Variants in PRIMPOL observed in about 807,000 individuals in gnomAD.
PRIMPOL encodes primase and DNA directed polymerase.
Under a neutral mutation model 63.6 loss-of-function variants are expected in PRIMPOL, and 54 were observed. The observed-to-expected ratio is 0.85, with a 90% CI of 0.68 to 1.07. The LOEUF is 1.07. Among genes scored for constraint, PRIMPOL ranks in the 50% least tolerant of loss-of-function variants. The pLI is 0.00. For synonymous variants in PRIMPOL, 197 were observed against 220.2 expected, an observed-to-expected ratio of 0.89 and a Z score of 0.93; for missense variants, 610 against 648.3, an observed-to-expected ratio of 0.94 and a Z score of 0.64.
At chr4:184,682,508 C>G (rs1755900700) in intron 9 of PRIMPOL, among the ~76,000 whole-genome samples, 172 bp downstream of exon 9, 1 of 151,960 alleles carries the variant, frequency 6.6e-6, no homozygotes, top group African/African-American at 2.4e-5. Context: ...CCATCACGCC[C>G]AGATAATTTT....
chr4:184,671,459 T>C (rs192201526), intron 6 of PRIMPOL, among the ~76,000 whole-genome samples: 7 of 146,866 alleles, frequency 4.8e-5, no homozygotes, highest in African/African-American at 1.8e-4. Context: ...TATTATTATT[T>C]TTATGATCTC....
intron 11 of PRIMPOL, among the ~76,000 whole-genome samples, chr4:184,688,919 A>G (rs192715042): frequency 3.5e-4 from 53 of 152,324 alleles, no homozygotes; most frequent in African/African-American, 1.3e-3. Flanking sequence ...ATGAATTTCA[A>G]ACAACTTGGT....
rs537670271 is a variant in PRIMPOL at position 184,673,278 on chromosome 4, C to G, written c.844+818C>G. ...CGGAGTAGCTGGGACTACAGGCGCC[C>G]GCCACCGCTCCCGGCTAATTTTTTG... On this transcript the variant is annotated intron_variant, in intron 7 of 13. Coordinates refer to ENST00000314970, the MANE Select transcript of PRIMPOL (RefSeq NM_152683.4). Among the ~76,000 whole-genome samples, 3 of 151,664 alleles carry G rather than the reference C, an allele frequency of 2.0e-5. No individual in the cohort carries two copies. In the South Asian group the frequency reaches 6.3e-4, roughly 32 times the overall value.
At chr4:184,666,299 C>G (rs1349179758) in intron 6 of PRIMPOL, among the ~76,000 whole-genome samples, 1 of 152,104 alleles carries the variant, frequency 6.6e-6, no homozygotes, top group Admixed American at 6.6e-5. Flanking sequence ...GCTGGCAAAA[C>G]CCTGTCTCTA....
intron 2 of PRIMPOL, 74 bp downstream of exon 2, chr4:184,652,174 T>C (rs1383889451): frequency 6.6e-6 from 1 of 152,250 alleles, no homozygotes; most frequent in Non-Finnish European, 1.5e-5. Flanking sequence ...TCATTATCAA[T>C]TCATTTGGTG....
At chr4:184,664,777 AC>A (rs1440905558) in intron 5 of PRIMPOL, among the ~76,000 whole-genome samples, 2 of 152,228 alleles carry the variant, frequency 1.3e-5, no homozygotes, top group African/African-American at 4.8e-5. Context: ...GAGGGAGAGA[AC>A]AAATATGGAG....
Position 184,682,343 on chromosome 4 carries a change from T to C in PRIMPOL, c.1096+7T>C. ...AACAGTATCGGCACTTCAGGTAAATTTTTTGATGTTTGTTTTTCTTTTTGA... is the reference window on the plus strand; with the variant it reads ...AACAGTATCGGCACTTCAGGTAAATCTTTTGATGTTTGTTTTTCTTTTTGA... On this transcript the variant is annotated splice_region_variant and intron_variant, in intron 9 of 13. Transcript: ENST00000314970. The C allele has an allele frequency of 6.7e-7, 1 of 1,486,192 alleles. No homozygotes were observed. The highest frequency in any genetic ancestry group is 9.4e-7 in the Non-Finnish European group (1 of 1,065,082). The allele number at this position is 1,486,192 out of a possible 1,614,324, so 92.1% of individuals were successfully genotyped here. A position where few individuals can be genotyped will look rare whatever the true frequency, so the allele number is the denominator to read the frequency against.
At chr4:184,677,676 A>G (rs1295320419) in intron 7 of PRIMPOL, among the ~76,000 whole-genome samples, 1 of 152,222 alleles carries the variant, frequency 6.6e-6, no homozygotes, top group African/African-American at 2.4e-5. Flanking sequence ...ACACAAACAA[A>G]TCCTGCTAGA....
At chr4:184,683,061 TA>T (rs1219117459) in intron 9 of PRIMPOL, among the ~76,000 whole-genome samples, 1 of 151,608 alleles carries the variant, frequency 6.6e-6, no homozygotes, top group African/African-American at 2.4e-5. Flanking sequence ...ACCAGTCAAT[TA>T]ATCAATTAAT....
intron 2 of PRIMPOL, among the ~76,000 whole-genome samples, chr4:184,655,967 A>G (rs570505953): frequency 2.0e-5 from 3 of 152,274 alleles, no homozygotes; most frequent in East Asian, 3.9e-4. Context: ...TTTTTTTCTT[A>G]TAGCTCTGTG....
intron 2 of PRIMPOL, among the ~76,000 whole-genome samples, chr4:184,652,532 AG>A (rs1368424058): frequency 2.0e-5 from 3 of 152,170 alleles, no homozygotes; most frequent in Non-Finnish European, 4.4e-5. Context: ...GGGAGAAAAA[AG>A]GAAAATCCAG....
chr4:184,681,421 C>T (rs1485889206), intron 8 of PRIMPOL, among the ~76,000 whole-genome samples: 7 of 152,086 alleles, frequency 4.6e-5, no homozygotes, highest in African/African-American at 1.2e-4. Flanking sequence ...ACTATTTTCA[C>T]GTAACCCACA....
At chr4:184,662,444 C>G (rs1748615142) in intron 5 of PRIMPOL, among the ~76,000 whole-genome samples, 1 of 152,078 alleles carries the variant, frequency 6.6e-6, no homozygotes, top group South Asian at 2.1e-4. Flanking sequence ...AATATAGTTA[C>G]TATTTTTAAC....
chr4:184,667,732 G>C (rs1450151331), intron 6 of PRIMPOL, among the ~76,000 whole-genome samples: 1 of 152,176 alleles, frequency 6.6e-6, no homozygotes, highest in Non-Finnish European at 1.5e-5. Context: ...TTCCTCATTG[G>C]CTGAGTACTA....
chr4:184,666,249 G>A (rs1008292458), intron 6 of PRIMPOL, among the ~76,000 whole-genome samples, 185 bp downstream of exon 6: 3 of 152,132 alleles, frequency 2.0e-5, no homozygotes, highest in Non-Finnish European at 4.4e-5. Flanking sequence ...CATGGTGGGC[G>A]GCTCACTTGA....
At chr4:184,673,139 T>TTG in intron 7 of PRIMPOL, among the ~76,000 whole-genome samples, 1 of 150,854 alleles carries the variant, frequency 6.6e-6, no homozygotes, top group South Asian at 2.1e-4. Context: ...CTTTTTCTTT[T>TTG]TTTTTTTTGA....
intron 11 of PRIMPOL, among the ~76,000 whole-genome samples, chr4:184,685,941 A>G (rs1275090573): frequency 6.6e-6 from 1 of 152,030 alleles, no homozygotes; most frequent in Non-Finnish European, 1.5e-5. Context: ...AGCTGGGATT[A>G]CAGGCGCCTG....
chr4:184,687,804 C>T (rs1757386262), intron 11 of PRIMPOL, among the ~76,000 whole-genome samples: 4 of 152,128 alleles, frequency 2.6e-5, no homozygotes, highest in South Asian at 2.1e-4. Flanking sequence ...TTAGTAGAGA[C>T]GGGGTTTCTG....
chr4:184,681,764 G>A (rs573704395), intron 8 of PRIMPOL, among the ~76,000 whole-genome samples: 4 of 151,974 alleles, frequency 2.6e-5, no homozygotes, highest in African/African-American at 4.8e-5. Flanking sequence ...TAGTAGACAG[G>A]GGTTTCACTA....
Sources: gnomAD v4.1 joint callset for allele counts (sites outside exome capture counted in the v4.1 genomes callset) on GRCh38, gnomAD v4.1.1 for gene constraint, MANE v1.5 for transcripts, NCBI Gene and HGNC (gene_info 2026-07-23, HGNC 2026-07-21) for gene names.